The following PDE4B variants were observed in gnomAD, a reference collection of about 807,000 sequenced individuals.
The protein encoded by PDE4B is phosphodiesterase 4B.
Under a neutral mutation model 82.2 loss-of-function variants are expected in PDE4B, and 20 were observed. That is an observed-to-expected ratio of 0.24 (90% CI 0.17 to 0.35). The LOEUF (loss-of-function observed/expected upper bound fraction) is 0.35, where lower values mean the gene tolerates loss of function less well. Ranked by LOEUF, PDE4B falls within the 10% of genes least tolerant of loss-of-function variation. PDE4B has a pLI of 1.00. For synonymous variants in PDE4B, 320 were observed against 318.9 expected (o/e 1.00, Z -0.04); for missense variants, 655 against 907.2 (o/e 0.72, Z 3.57).
At chr1:66,331,782 C>A in intron 7 of PDE4B, 1 of 985,342 alleles carries the variant, frequency 1.0e-6, no homozygotes, top group Non-Finnish European at 1.2e-6. Context: ...GACTCCCAGG[C>A]CAATAAACGT....
Position 66,257,627 on chromosome 1 carries a change from T to C in PDE4B, c.477-20T>C. The C allele has an allele frequency of 1.9e-6, 3 of 1,608,462 alleles. No homozygotes were observed. The highest frequency in any genetic ancestry group is 2.6e-6 in the Non-Finnish European group (3 of 1,175,174). On this transcript the variant is annotated intron_variant, in intron 4 of 16. Coordinates refer to ENST00000341517, the MANE Select transcript of PDE4B (RefSeq NM_002600.4). ...AATTCAAGTAAATTTCTAAAGGTTC[T>C]TTTTTTCTCTTTTCACCAGACACGG...
intron 1 of PDE4B, among the ~76,000 whole-genome samples, chr1:65,812,346 T>C (rs1431335210): frequency 2.6e-5 from 4 of 152,190 alleles, no homozygotes; most frequent in African/African-American, 9.7e-5. Flanking sequence ...CTGGTCTCCT[T>C]CTTAGGGTAT....
chr1:66,127,006 G>A (rs1396538766), intron 3 of PDE4B, among the ~76,000 whole-genome samples: 1 of 151,874 alleles, frequency 6.6e-6, no homozygotes, highest in Non-Finnish European at 1.5e-5. Flanking sequence ...AAAGAGGGGG[G>A]AACTATTATA....
intron 8 of PDE4B, among the ~76,000 whole-genome samples, chr1:66,333,571 G>A (rs1660285176): frequency 6.6e-6 from 1 of 152,186 alleles, no homozygotes; most frequent in African/African-American, 2.4e-5. Context: ...GTATCATCTT[G>A]TTGTCTACGT....
intron 2 of PDE4B, among the ~76,000 whole-genome samples, chr1:65,916,224 G>A (rs962984987): frequency 1.3e-5 from 2 of 152,040 alleles, no homozygotes; most frequent in African/African-American, 4.8e-5. Context: ...ATTAACTGAG[G>A]TCTTCTGGAA....
intron 3 of PDE4B, among the ~76,000 whole-genome samples, chr1:66,212,455 G>A (rs979479522): frequency 2.0e-4 from 30 of 151,912 alleles, no homozygotes; most frequent in African/African-American, 6.8e-4. Context: ...CTCTTCTAGC[G>A]TTTGCTTGAA....
Position 65,913,296 on chromosome 1 carries a change from G to T in PDE4B, c.-19G>T. 6.2e-7 allele frequency: 1 copy of T among 1,611,268 alleles called. No individual in the cohort carries two copies. The highest frequency in any genetic ancestry group is 1.3e-5 in the African/African-American group (1 of 74,946). On this transcript the variant is annotated 5_prime_UTR_variant, in exon 2 of 17. Coordinates refer to ENST00000341517, the MANE Select transcript of PDE4B (RefSeq NM_002600.4). The stretch of plus-strand genomic sequence containing the variant: ...TTGAATAACAGACATCCTAAGAGGG[G>T]ATATTTTCCACCTCTATAATGAAGA...
intron 3 of PDE4B, among the ~76,000 whole-genome samples, chr1:66,103,163 T>A (rs984927239): frequency 7.9e-5 from 12 of 152,124 alleles, no homozygotes; most frequent in Admixed American, 2.6e-4. Flanking sequence ...TGCTAAAGAA[T>A]CACTATGAGT....
At chr1:66,234,967 GT>G (rs1455188359) in intron 3 of PDE4B, among the ~76,000 whole-genome samples, 1 of 152,028 alleles carries the variant, frequency 6.6e-6, no homozygotes, top group African/African-American at 2.4e-5. Flanking sequence ...TGTTTTCGTT[GT>G]CATTCAGTTC....
At chr1:66,010,257 A>C (rs1652408885) in intron 3 of PDE4B, among the ~76,000 whole-genome samples, 1 of 151,944 alleles carries the variant, frequency 6.6e-6, no homozygotes, top group African/African-American at 2.4e-5. Flanking sequence ...AATAGTAAAA[A>C]TAACTATTGC....
At chr1:66,214,448 C>T (rs1381787061) in intron 3 of PDE4B, among the ~76,000 whole-genome samples, 2 of 152,028 alleles carry the variant, frequency 1.3e-5, no homozygotes, top group Non-Finnish European at 2.9e-5. Flanking sequence ...TCAGCACTTG[C>T]TCTTGGTTAG....
At chr1:65,914,244 C>T (rs374357636) in intron 2 of PDE4B, among the ~76,000 whole-genome samples, 1 of 152,272 alleles carries the variant, frequency 6.6e-6, no homozygotes, top group East Asian at 1.9e-4. Flanking sequence ...GTCCCTTTGC[C>T]TCATACCGTA....
chr1:65,817,831 A>G (rs1218598757), intron 1 of PDE4B, among the ~76,000 whole-genome samples: 1 of 152,206 alleles, frequency 6.6e-6, no homozygotes, highest in Non-Finnish European at 1.5e-5. Flanking sequence ...CTTCTGTAAA[A>G]TTATAATTGA....
In PDE4B at chr1:66,355,478, C is replaced by T. The variant is rs983059398; in HGVS notation, c.748-49C>T. 6.7e-6 allele frequency: 8 copies of T among 1,200,168 alleles called. No individual in the cohort carries two copies. The African/African-American group carries it at 1.0e-4, about 16-fold the overall frequency. The allele number at this position is 1,200,168 out of a possible 1,614,324, so 74.3% of individuals were successfully genotyped here. On this transcript the variant is annotated intron_variant, in intron 8 of 16. Transcript: ENST00000341517. ...TAAAGTTGGAAACATTTAAAATGAA[C>T]ATTTGCTCTTTTTAAAGTGGTTAAT... is the stretch of plus-strand genomic sequence containing the variant.
intron 3 of PDE4B, among the ~76,000 whole-genome samples, chr1:65,974,028 G>T (rs1569860274): frequency 6.6e-6 from 1 of 151,902 alleles, no homozygotes; most frequent in African/African-American, 2.4e-5. Flanking sequence ...GATCAGGCTG[G>T]TCTTGAGCTT....
At position 66,195,998 on chromosome 1, in the gene PDE4B, G is replaced by A. The variant is rs553159708; in HGVS notation, c.282-51462G>A. On this transcript the variant is annotated intron_variant, in intron 3 of 16. Transcript: ENST00000341517. ...CAAAGCTAGTATGTCCAATGTATAC[G>A]AGACCCCTGCAAGAAGCAGCAAAAA... 8.4e-4 allele frequency among the ~76,000 whole-genome samples: 127 copies of A among 152,000 alleles called. 1 individual carries two copies. The highest frequency in any genetic ancestry group is 2.9e-3 in the African/African-American group (122 of 41,438).
At position 65,984,581 on chromosome 1, in the gene PDE4B, C is replaced by A. The variant is rs1167306805; in HGVS notation, c.281+65746C>A. On this transcript the variant is annotated intron_variant, in intron 3 of 16. Coordinates refer to ENST00000341517, the MANE Select transcript of PDE4B (RefSeq NM_002600.4). ...ACCAGCATGGCCAACATGGCGAAAT[C>A]CCATCTCTAATAAAAATAGAAAAAT... Among the ~76,000 whole-genome samples the A allele has an allele frequency of 2.6e-5, 4 of 152,068 alleles. No homozygotes were observed. The East Asian group carries it at 7.7e-4, about 29-fold the overall frequency.
At chr1:66,222,655 C>G (rs1482983049) in intron 3 of PDE4B, among the ~76,000 whole-genome samples, 1 of 152,162 alleles carries the variant, frequency 6.6e-6, no homozygotes, top group Non-Finnish European at 1.5e-5. Flanking sequence ...AATTATTCAA[C>G]CTCTCTGATC....
In PDE4B at chr1:66,289,401, G is replaced by C. The variant is rs140138373; in HGVS notation, c.634+23314G>C. 7.2e-4 allele frequency among the ~76,000 whole-genome samples: 110 copies of C among 152,220 alleles called. 1 individual carries two copies. The highest frequency in any genetic ancestry group is 2.5e-3 in the African/African-American group (103 of 41,538). On this transcript the variant is annotated intron_variant, in intron 7 of 16. Coordinates refer to ENST00000341517, the MANE Select transcript of PDE4B (RefSeq NM_002600.4). ...TAAAAGGGCACGGTATTGCTCAGAT[G>C]GAAAAATGGGAAAAGGTCTGTCCAA...
Sources: allele counts gnomAD v4.1 joint callset (sites outside exome capture counted in the v4.1 genomes callset), GRCh38; gene constraint gnomAD v4.1.1; transcripts MANE v1.5; gene names NCBI Gene and HGNC (gene_info 2026-07-23, HGNC 2026-07-21).